The following DLGAP1 variants were observed in gnomAD, a reference collection of about 807,000 sequenced individuals.
DLGAP1 encodes disks large-associated protein 1.
In DLGAP1, 11 loss-of-function variants were observed where a neutral mutation model predicts 90.8. That is an observed-to-expected ratio of 0.12 (90% CI 0.08 to 0.20). DLGAP1 has a LOEUF of 0.20. DLGAP1 is among the 10% of genes least tolerant of loss of function. DLGAP1 has a pLI of 1.00. For synonymous variants in DLGAP1, 558 were observed against 540.7 expected, an observed-to-expected ratio of 1.03 and a Z score of -0.44; for missense variants, 1,050 against 1,333.8, an observed-to-expected ratio of 0.79 and a Z score of 3.31.
chr18:3,724,094 G>A (rs2062072227), intron 7 of DLGAP1, among the ~76,000 whole-genome samples: 1 of 152,208 alleles, frequency 6.6e-6, no homozygotes, highest in African/African-American at 2.4e-5. Flanking sequence ...GGATGTTGAG[G>A]TGGGAGGATC....
intron 3 of DLGAP1, among the ~76,000 whole-genome samples, chr18:3,996,315 G>C (rs1028637725): frequency 3.9e-5 from 6 of 151,962 alleles, no homozygotes; most frequent in African/African-American, 1.4e-4. Context: ...CTGAGAAATG[G>C]AGTTTCTAAA....
chr18:4,165,908 A>G (rs1176855482), intron 1 of DLGAP1, among the ~76,000 whole-genome samples: 2 of 152,120 alleles, frequency 1.3e-5, no homozygotes, highest in Non-Finnish European at 2.9e-5. Context: ...TGTAATCTTA[A>G]CACTTTGGGA....
intron 1 of DLGAP1, among the ~76,000 whole-genome samples, chr18:4,307,379 A>G (rs1261448631): frequency 2.6e-5 from 4 of 152,132 alleles, no homozygotes; most frequent in African/African-American, 4.8e-5. Context: ...AGAGCCTCTC[A>G]AATGCCATCT....
At chr18:4,113,150 G>A (rs1404056500) in intron 2 of DLGAP1, among the ~76,000 whole-genome samples, 1 of 152,110 alleles carries the variant, frequency 6.6e-6, no homozygotes, top group Non-Finnish European at 1.5e-5. Context: ...GGGTTGAATG[G>A]TAGTTCCGTT....
intron 3 of DLGAP1, among the ~76,000 whole-genome samples, chr18:3,883,724 GCCAAGGAAAGATGC>G (rs976045573): frequency 3.4e-4 from 52 of 152,344 alleles, no homozygotes; most frequent in African/African-American, 1.2e-3. Flanking sequence ...GCTGGGCAAG[GCCAAGGAAAGATGC>G]CCAATAGTTG....
intron 7 of DLGAP1, among the ~76,000 whole-genome samples, chr18:3,692,822 CA>C (rs1206959880): frequency 6.6e-6 from 1 of 152,060 alleles, no homozygotes; most frequent in African/African-American, 2.4e-5. Context: ...CCTGGAAATT[CA>C]AACAACTTCT....
intron 1 of DLGAP1, among the ~76,000 whole-genome samples, chr18:4,387,912 C>T (rs1207454651): frequency 1.4e-5 from 2 of 141,760 alleles, no homozygotes; most frequent in East Asian, 4.5e-4. Flanking sequence ...GCCTGGGTGA[C>T]AGAGACTCCA....
At chr18:4,371,273 G>A (rs1391881351) in intron 1 of DLGAP1, among the ~76,000 whole-genome samples, 1 of 152,196 alleles carries the variant, frequency 6.6e-6, no homozygotes, top group Non-Finnish European at 1.5e-5. Flanking sequence ...TTGTTAAGAA[G>A]TCAAATATAT....
At chr18:4,330,119 T>G (rs1219948536) in intron 1 of DLGAP1, among the ~76,000 whole-genome samples, 1 of 152,060 alleles carries the variant, frequency 6.6e-6, no homozygotes, top group Non-Finnish European at 1.5e-5. Context: ...TCAAAAACAT[T>G]TTGCATTTCA....
intron 1 of DLGAP1, among the ~76,000 whole-genome samples, chr18:4,288,442 T>C (rs1234460815): frequency 2.0e-5 from 3 of 152,200 alleles, no homozygotes; most frequent in East Asian, 1.9e-4. Flanking sequence ...ATGGCTGTTA[T>C]ATGTTCGTTT....
At chr18:3,845,921 C>T (rs988665109) in intron 4 of DLGAP1, among the ~76,000 whole-genome samples, 3 of 152,180 alleles carry the variant, frequency 2.0e-5, no homozygotes, top group Non-Finnish European at 4.4e-5. Context: ...TACTTCTCAA[C>T]AATTCATTCA....
chr18:3,766,376 T>C lies in DLGAP1; in HGVS notation c.1173-23864A>G, dbSNP rs1286068605. Among the ~76,000 whole-genome samples the C allele has an allele frequency of 2.0e-5, 3 of 152,162 alleles. No homozygotes were observed. The East Asian group carries it at 5.8e-4, about 29-fold the overall frequency. ...GGAGAAATAGAAAAATTCACGATTG[T>C]AGTTGGAGACCTCAGTTACTACCTC... On this transcript the variant is annotated intron_variant, in intron 5 of 12. Coordinates refer to ENST00000315677, the MANE Select transcript of DLGAP1 (RefSeq NM_004746.4).
chr18:3,650,171 T>A (rs1421808031), intron 7 of DLGAP1, among the ~76,000 whole-genome samples: 1 of 152,106 alleles, frequency 6.6e-6, no homozygotes, highest in Non-Finnish European at 1.5e-5. Context: ...TCCTCCTGAG[T>A]AGCTGGGACT....
intron 5 of DLGAP1, among the ~76,000 whole-genome samples, chr18:3,746,164 A>G (rs1434049726): frequency 6.6e-6 from 1 of 152,180 alleles, no homozygotes; most frequent in Non-Finnish European, 1.5e-5. Flanking sequence ...TTAATAATGG[A>G]GTTAGACCTT....
intron 5 of DLGAP1, among the ~76,000 whole-genome samples, chr18:3,763,745 C>T (rs2064084173): frequency 6.6e-6 from 1 of 151,728 alleles, no homozygotes; most frequent in Admixed American, 6.6e-5. Context: ...CTCACTGCAA[C>T]CTCCATCTCC....
intron 1 of DLGAP1, among the ~76,000 whole-genome samples, chr18:4,445,504 G>A (rs2144865432): frequency 7.6e-6 from 1 of 132,276 alleles, no homozygotes; most frequent in East Asian, 2.3e-4. Flanking sequence ...GTGTCCATGT[G>A]ATCTCAATGT....
intron 2 of DLGAP1, among the ~76,000 whole-genome samples, chr18:4,089,832 T>G (rs992638601): frequency 2.0e-5 from 3 of 152,038 alleles, no homozygotes; most frequent in Non-Finnish European, 4.4e-5. Context: ...GATCACGAGG[T>G]CAGGAGATCG....
intron 7 of DLGAP1, among the ~76,000 whole-genome samples, chr18:3,726,186 AT>A (rs1030001431): frequency 6.6e-6 from 1 of 152,196 alleles, no homozygotes; most frequent in Non-Finnish European, 1.5e-5. Context: ...ACAAATCTAC[AT>A]CAAGTCCTAC....
intron 7 of DLGAP1, among the ~76,000 whole-genome samples, chr18:3,585,329 A>G (rs766480454): frequency 1.4e-4 from 21 of 152,230 alleles, no homozygotes; most frequent in Non-Finnish European, 3.1e-4. Flanking sequence ...CCAGAGAGGC[A>G]TGAGTGATGG....
Sources: gnomAD v4.1 joint callset for allele counts (sites outside exome capture counted in the v4.1 genomes callset) on GRCh38, gnomAD v4.1.1 for gene constraint, MANE v1.5 for transcripts, NCBI Gene and HGNC (gene_info 2026-07-23, HGNC 2026-07-21) for gene names.